The following ACYP2 variants were observed in gnomAD, a reference collection of about 807,000 sequenced individuals.
The protein encoded by ACYP2 is acylphosphatase 2, also known as acylphosphatase-2.
A neutral mutation model predicts 11.2 loss-of-function variants in ACYP2; 12 were observed. That is an observed-to-expected ratio of 1.08 (90% CI 0.69 to 1.74). ACYP2 has a LOEUF of 1.74. Ranked by LOEUF, ACYP2 falls within the 40% of genes most tolerant of loss-of-function variation. The pLI is 0.00. For missense variants in ACYP2, 134 were observed against 101.9 expected, an observed-to-expected ratio of 1.31 and a Z score of -1.35; for synonymous variants, 43 against 32.2, an observed-to-expected ratio of 1.33 and a Z score of -1.13.
intron 4 of ACYP2, among the ~76,000 whole-genome samples, chr2:54,133,126 T>C (rs928441237): frequency 6.6e-6 from 1 of 152,158 alleles, no homozygotes; most frequent in African/African-American, 2.4e-5. Context: ...CCCGAAGTTC[T>C]TCACCCCCCA....
At chr2:54,221,539 T>A (rs1208546530) in intron 6 of ACYP2, among the ~76,000 whole-genome samples, 2 of 148,492 alleles carry the variant, frequency 1.3e-5, no homozygotes, top group Non-Finnish European at 3.0e-5. Flanking sequence ...TTTTTTTTTT[T>A]AAACACGGTC....
intron 4 of ACYP2, among the ~76,000 whole-genome samples, chr2:54,124,037 C>T (rs540284555): frequency 6.6e-6 from 1 of 152,218 alleles, no homozygotes; most frequent in African/African-American, 2.4e-5. Flanking sequence ...ATATTAAATA[C>T]ACTTCTAAAC....
chr2:54,153,066 C>G (rs1682256111), intron 6 of ACYP2, among the ~76,000 whole-genome samples: 1 of 151,944 alleles, frequency 6.6e-6, no homozygotes, highest in Non-Finnish European at 1.5e-5. Context: ...AGTTTTCCCC[C>G]TATGTTTTCT....
At chr2:54,293,299 A>G (rs576550248) in intron 6 of ACYP2, among the ~76,000 whole-genome samples, 2 of 152,318 alleles carry the variant, frequency 1.3e-5, no homozygotes, top group Admixed American at 6.5e-5. Flanking sequence ...GTCACTAGAT[A>G]TGTGTTGACC....
intron 6 of ACYP2, among the ~76,000 whole-genome samples, chr2:54,229,417 G>C (rs923094142): frequency 2.6e-5 from 4 of 152,098 alleles, no homozygotes; most frequent in Non-Finnish European, 5.9e-5. Flanking sequence ...GAGATTACTG[G>C]GAGGAATAAT....
intron 2 of ACYP2, among the ~76,000 whole-genome samples, chr2:54,046,826 C>G (rs1295157497): frequency 6.6e-6 from 1 of 152,106 alleles, no homozygotes; most frequent in African/African-American, 2.4e-5. Context: ...GCAATGGACC[C>G]TTCAAATTAT....
intron 6 of ACYP2, among the ~76,000 whole-genome samples, chr2:54,297,455 G>A (rs1450867800): frequency 6.6e-6 from 1 of 152,100 alleles, no homozygotes; most frequent in Non-Finnish European, 1.5e-5. Flanking sequence ...CTATTATTGT[G>A]CCACTGCATT....
chr2:54,292,442 A>G (rs1689350205), intron 6 of ACYP2, among the ~76,000 whole-genome samples: 1 of 152,186 alleles, frequency 6.6e-6, no homozygotes, highest in Non-Finnish European at 1.5e-5. Flanking sequence ...TTATATTGAT[A>G]ACATCTTGAA....
At chr2:54,191,514 T>G (rs532116840) in intron 6 of ACYP2, among the ~76,000 whole-genome samples, 27 of 152,342 alleles carry the variant, frequency 1.8e-4, no homozygotes, top group South Asian at 1.4e-3. Context: ...TCACTAGCTG[T>G]GTGACCTTGC....
intron 6 of ACYP2, among the ~76,000 whole-genome samples, chr2:54,229,315 G>A (rs765937875): frequency 3.3e-5 from 5 of 152,090 alleles, no homozygotes; most frequent in Non-Finnish European, 5.9e-5. Flanking sequence ...CATATTTTAT[G>A]GCCCAATCTA....
intron 6 of ACYP2, among the ~76,000 whole-genome samples, chr2:54,197,950 T>C (rs543620454): frequency 8.1e-4 from 15 of 18,586 alleles, no homozygotes; most frequent in Non-Finnish European, 1.3e-3. Context: ...TTATATTGTA[T>C]TGTATTGTAT....
intron 4 of ACYP2, among the ~76,000 whole-genome samples, chr2:54,078,717 C>T (rs141806060): frequency 7.9e-5 from 12 of 151,714 alleles, no homozygotes; most frequent in Admixed American, 2.6e-4. Flanking sequence ...CTCCTGCCTC[C>T]GCCTCCAGAG....
intron 6 of ACYP2, chr2:54,142,062 T>G (rs1681639001): frequency 4.9e-6 from 2 of 404,874 alleles, no homozygotes; most frequent in Admixed American, 8.4e-5. Flanking sequence ...TTTGTAGAGA[T>G]AGTGTCTCAC....
At chr2:54,219,130 T>A (rs930195257) in intron 6 of ACYP2, among the ~76,000 whole-genome samples, 2 of 152,194 alleles carry the variant, frequency 1.3e-5, no homozygotes, top group African/African-American at 4.8e-5. Flanking sequence ...ATAAATTCCA[T>A]ATGCACAGCT....
intron 6 of ACYP2, among the ~76,000 whole-genome samples, chr2:54,212,447 A>G (rs577734545): frequency 6.6e-6 from 1 of 152,330 alleles, no homozygotes; most frequent in African/African-American, 2.4e-5. Context: ...CTGACTGAGA[A>G]TGCATTTCCT....
intron 4 of ACYP2, among the ~76,000 whole-genome samples, chr2:54,070,844 C>A (rs1241519999): frequency 1.3e-5 from 2 of 151,772 alleles, no homozygotes; most frequent in Non-Finnish European, 2.9e-5. Flanking sequence ...TCAAGTGATC[C>A]TCCCACCTCA....
intron 4 of ACYP2, among the ~76,000 whole-genome samples, chr2:54,088,480 C>T (rs1678057969): frequency 1.3e-5 from 2 of 152,160 alleles, no homozygotes; most frequent in African/African-American, 4.8e-5. Flanking sequence ...CCTGCGAGCA[C>T]AAAGCCTCTT....
At chr2:54,243,965 C>T (rs547136501) in intron 6 of ACYP2, among the ~76,000 whole-genome samples, 82 of 151,876 alleles carry the variant, frequency 5.4e-4, no homozygotes, top group African/African-American at 1.9e-3. Flanking sequence ...TTTATGTCTC[C>T]AGATTTTAAC....
At chr2:54,090,722 T>G (rs1225253032) in intron 4 of ACYP2, among the ~76,000 whole-genome samples, 2 of 152,206 alleles carry the variant, frequency 1.3e-5, no homozygotes, top group Non-Finnish European at 1.5e-5. Flanking sequence ...CCTGGACCGC[T>G]CTTCCTCTTT....
Sources: allele counts gnomAD v4.1 joint callset (sites outside exome capture counted in the v4.1 genomes callset), GRCh38; gene constraint gnomAD v4.1.1; transcripts MANE v1.5; gene names NCBI Gene and HGNC (gene_info 2026-07-23, HGNC 2026-07-21).